LRRC4C: variants seen among roughly 807,000 people sequenced by gnomAD.
LRRC4C encodes the protein leucine rich repeat containing 4C.
Under a neutral mutation model 33.6 loss-of-function variants are expected in LRRC4C, and 5 were observed. The ratio of observed to expected loss-of-function variants is 0.15; its 90% CI spans 0.08 to 0.31. The LOEUF (loss-of-function observed/expected upper bound fraction) is 0.31. Among genes scored for constraint, LRRC4C ranks in the 10% least tolerant of loss-of-function variants. The pLI, the probability that LRRC4C is intolerant of heterozygous loss-of-function variation, is 1.00. For missense variants in LRRC4C, 560 were observed against 796.7 expected (o/e 0.70, Z 3.58); for synonymous variants, 329 against 302.0 (o/e 1.09, Z -0.93).
chr11:40,655,287 T>C lies in LRRC4C; in HGVS notation c.-406-7009A>G, dbSNP rs114900194. 8.9e-3 allele frequency among the ~76,000 whole-genome samples: 1,360 copies of C among 152,332 alleles called. 25 individuals are homozygous for C. The highest frequency in any genetic ancestry group is 0.032 in the African/African-American group (1,312 of 41,568). On this transcript the variant is annotated intron_variant, in intron 2 of 6. Transcript: ENST00000528697. ...TGATTTCAATATTTCAAAAAGGCAGTGACTGTCATCATTCATAATAACACA... is the reference window on the plus strand; with the variant it reads ...TGATTTCAATATTTCAAAAAGGCAGCGACTGTCATCATTCATAATAACACA...
At chr11:40,270,680 T>C (rs934011825) in intron 4 of LRRC4C, among the ~76,000 whole-genome samples, 3 of 152,066 alleles carry the variant, frequency 2.0e-5, no homozygotes, top group Non-Finnish European at 4.4e-5. Context: ...CTCCTTACAA[T>C]GAGGTAGAGG....
At chr11:40,996,475 C>T (rs112904987) in intron 1 of LRRC4C, among the ~76,000 whole-genome samples, 6 of 152,170 alleles carry the variant, frequency 3.9e-5, no homozygotes, top group African/African-American at 1.4e-4. Flanking sequence ...ATGTGATGTG[C>T]TTTTGGAAGG....
chr11:41,365,359 AC>A (rs2137714535), intron 1 of LRRC4C, among the ~76,000 whole-genome samples: 1 of 152,146 alleles, frequency 6.6e-6, no homozygotes, highest in South Asian at 2.1e-4. Context: ...CACTAATTCT[AC>A]ATTATGGTCA....
At chr11:40,801,145 T>A (rs112739630) in intron 2 of LRRC4C, among the ~76,000 whole-genome samples, 1 of 152,204 alleles carries the variant, frequency 6.6e-6, no homozygotes, top group Non-Finnish European at 1.5e-5. Flanking sequence ...AATGTAGATA[T>A]ACCTACAGTA....
At chr11:40,145,517 C>T (rs1014755580) in intron 5 of LRRC4C, among the ~76,000 whole-genome samples, 83 of 152,126 alleles carry the variant, frequency 5.5e-4, no homozygotes, top group African/African-American at 1.7e-3. Flanking sequence ...AAATTAAAAC[C>T]GGAATAGTTC....
At chr11:40,915,790 C>G (rs965398434) in intron 2 of LRRC4C, among the ~76,000 whole-genome samples, 10 of 152,078 alleles carry the variant, frequency 6.6e-5, no homozygotes, top group African/African-American at 2.2e-4. Context: ...TTTTTGCAAT[C>G]TACTCATCTG....
intron 4 of LRRC4C, among the ~76,000 whole-genome samples, chr11:40,252,943 A>G (rs34464540): frequency 9.9e-5 from 15 of 152,182 alleles, no homozygotes; most frequent in Non-Finnish European, 2.1e-4. Context: ...GTCTCTCCCC[A>G]TTACAAAATA....
intron 1 of LRRC4C, among the ~76,000 whole-genome samples, chr11:41,004,902 G>T (rs886942856): frequency 1.3e-5 from 2 of 152,032 alleles, no homozygotes; most frequent in Non-Finnish European, 2.9e-5. Context: ...TAACTATCAT[G>T]GATGCTAAAA....
At chr11:40,500,664 G>C (rs1008698339) in intron 3 of LRRC4C, among the ~76,000 whole-genome samples, 3 of 151,980 alleles carry the variant, frequency 2.0e-5, no homozygotes, top group East Asian at 1.9e-4. Flanking sequence ...AAACTGCCCC[G>C]ATAGTTCAAT....
At chr11:41,369,291 T>G (rs1197318433) in intron 1 of LRRC4C, among the ~76,000 whole-genome samples, 2 of 152,082 alleles carry the variant, frequency 1.3e-5, no homozygotes, top group African/African-American at 4.8e-5. Context: ...GTCATGGAAA[T>G]GAATAGATAT....
chr11:40,625,915 C>T (rs1351328599), intron 3 of LRRC4C, among the ~76,000 whole-genome samples: 1 of 152,134 alleles, frequency 6.6e-6, no homozygotes, highest in Non-Finnish European at 1.5e-5. Context: ...CTCTTCCTCT[C>T]ACCAAGTCTA....
intron 1 of LRRC4C, among the ~76,000 whole-genome samples, chr11:41,188,524 C>A (rs111474784): frequency 6.6e-6 from 1 of 151,814 alleles, no homozygotes; most frequent in South Asian, 2.1e-4. Context: ...GATCTATGTA[C>A]AAATTTTCTT....
chr11:40,991,996 G>A (rs1314208246), intron 1 of LRRC4C, among the ~76,000 whole-genome samples: 2 of 152,188 alleles, frequency 1.3e-5, no homozygotes, highest in Non-Finnish European at 2.9e-5. Flanking sequence ...GGTGCCTGAT[G>A]TAAAAGATAT....
At chr11:40,327,621 A>G (rs1358486542) in intron 3 of LRRC4C, among the ~76,000 whole-genome samples, 5 of 152,136 alleles carry the variant, frequency 3.3e-5, no homozygotes, top group African/African-American at 4.8e-5. Flanking sequence ...CTGTCAGTCT[A>G]TCAGTCAGCC....
intron 3 of LRRC4C, among the ~76,000 whole-genome samples, chr11:40,540,484 T>G (rs953593382): frequency 1.3e-5 from 2 of 152,172 alleles, no homozygotes; most frequent in Non-Finnish European, 2.9e-5. Flanking sequence ...AGGAGTATTG[T>G]AGATCCTGAC....
At chr11:40,584,177 CATATATAT>C (rs371413523) in intron 3 of LRRC4C, among the ~76,000 whole-genome samples, 4 of 71,274 alleles carry the variant, frequency 5.6e-5, no homozygotes, top group Middle Eastern at 8.2e-3. Context: ...ACGCACACTT[CATATATAT>C]ATATATATAT....
chr11:41,057,307 A>G (rs565584132), intron 1 of LRRC4C, among the ~76,000 whole-genome samples: 2 of 152,202 alleles, frequency 1.3e-5, no homozygotes, highest in Non-Finnish European at 2.9e-5. Flanking sequence ...CTTGCCGCCT[A>G]AGACCCTCCA....
intron 2 of LRRC4C, among the ~76,000 whole-genome samples, chr11:40,797,206 G>A (rs1950869701): frequency 6.6e-6 from 1 of 152,054 alleles, no homozygotes; most frequent in Non-Finnish European, 1.5e-5. Flanking sequence ...TGACTCCATA[G>A]CTCTGAACTA....
intron 1 of LRRC4C, among the ~76,000 whole-genome samples, chr11:41,264,021 C>T (rs1949066899): frequency 6.6e-6 from 1 of 151,920 alleles, no homozygotes; most frequent in Non-Finnish European, 1.5e-5. Context: ...TCTAATTTAT[C>T]ATAAAGTATA....
Sources: allele counts gnomAD v4.1 joint callset (sites outside exome capture counted in the v4.1 genomes callset), GRCh38; gene constraint gnomAD v4.1.1; transcripts MANE v1.5; gene names NCBI Gene and HGNC (gene_info 2026-07-23, HGNC 2026-07-21).